The following APOBEC3G variants were observed in gnomAD, a reference collection of about 807,000 sequenced individuals.
APOBEC3G encodes the protein apolipoprotein B mRNA editing enzyme catalytic subunit 3G, also known as DNA dC->dU-editing enzyme APOBEC-3G.
Under a neutral mutation model 50.0 loss-of-function variants are expected in APOBEC3G, and 44 were observed. The observed-to-expected ratio is 0.88, with a 90% confidence interval of 0.69 to 1.13. The LOEUF is 1.13. Ranked by LOEUF, APOBEC3G falls within the 50% of genes most tolerant of loss-of-function variation. The pLI is 0.00. For synonymous variants in APOBEC3G, 156 were observed against 175.3 expected, an observed-to-expected ratio of 0.89 and a Z score of 0.87; for missense variants, 469 against 492.0, an observed-to-expected ratio of 0.95 and a Z score of 0.44.
chr22:39,085,380 C>A (rs1293338003), intron 5 of APOBEC3G, among the ~76,000 whole-genome samples: 1 of 152,048 alleles, frequency 6.6e-6, no homozygotes, highest in Non-Finnish European at 1.5e-5. Flanking sequence ...GGGGAATTGA[C>A]GGGTAGACAG....
chr22:39,086,804 G>A (rs17537581), intron 6 of APOBEC3G, among the ~76,000 whole-genome samples: 32,020 of 152,044 alleles, frequency 0.21, 5,822 homozygotes, highest in African/African-American at 0.5. Context: ...AGCAGAACTT[G>A]GGGCTTCCAG....
At chr22:39,080,487 C>T (rs563289020) in intron 2 of APOBEC3G, 161 of 175,058 alleles carry the variant, frequency 9.2e-4, no homozygotes, top group African/African-American at 3.4e-3. Flanking sequence ...TGCACAGTCA[C>T]GTGGGGGTGA....
chr22:39,078,527 C>A, intron 1 of APOBEC3G: 1 of 166,534 alleles, frequency 6.0e-6, no homozygotes, highest in Non-Finnish European at 1.3e-5. Flanking sequence ...GGGAATGGCC[C>A]CTGCCAGCCT....
intron 5 of APOBEC3G, among the ~76,000 whole-genome samples, chr22:39,086,023 G>A (rs35260874): frequency 0.082 from 12,521 of 151,968 alleles, 601 homozygotes; most frequent in African/African-American, 0.13. Flanking sequence ...AAATTCCCTC[G>A]GCCGGGCGCT....
At position 39,081,465 on chromosome 22, in the gene APOBEC3G, T is replaced by C. The variant is rs756916808; in HGVS notation, c.467-6T>C. 1 of 1,613,766 alleles carries C rather than the reference T, an allele frequency of 6.2e-7. No individual in the cohort carries two copies. ...GCTTGACTGCGTTCTCTCTTCTTTT[T>C]CTTAGAATTTCAGCACTGTTGGAGC... On this transcript the variant is annotated splice_region_variant and splice_polypyrimidine_tract_variant and intron_variant, in intron 3 of 7. Coordinates refer to ENST00000407997, the MANE Select transcript of APOBEC3G (RefSeq NM_021822.4).
Position 39,087,637 on chromosome 22 carries a change from T to A in APOBEC3G, c.*216T>A. 1 of 978,260 alleles carries A rather than the reference T, an allele frequency of 1.0e-6. No homozygotes were observed. The highest frequency in any genetic ancestry group is 1.5e-6 in the Non-Finnish European group (1 of 676,750). 60.6% of individuals were successfully genotyped at this position (978,260 alleles called of 1,614,324 possible). On this transcript the variant is annotated 3_prime_UTR_variant, in exon 8 of 8. Transcript: ENST00000407997. ...TATTTATATTTCAAGAATAAAGTAC[T>A]AAGATTGTGCTCAATACACAGAAAA...
rs568940353 is a variant in APOBEC3G at position 39,087,390 on chromosome 22, C to A, written c.1141-17C>A. 1.9e-6 allele frequency: 3 copies of A among 1,614,140 alleles called. No homozygotes were observed. The African/African-American group carries it at 4.0e-5, about 22-fold the overall frequency. On this transcript the variant is annotated splice_polypyrimidine_tract_variant and intron_variant, in intron 7 of 7. Transcript: ENST00000407997. Reference sequence around the variant, plus strand: ...CTCGCTCACCCTTTGCTCCATTCAACCTCCCTGCTCTTCCAGAATCAGGAA... The same window carrying A: ...CTCGCTCACCCTTTGCTCCATTCAAACTCCCTGCTCTTCCAGAATCAGGAA...
rs1373309061 is a variant in APOBEC3G, at chr22:39,077,632, C to G, written c.17+254C>G. The stretch of plus-strand genomic sequence containing the variant: ...CCTGCTGAGACTCTCCCCTGAAAGT[C>G]ATGGCTGGGGTGGTGCTCCCGGCCC... On this transcript the variant is annotated intron_variant, in intron 1 of 7. Transcript: ENST00000407997. 1.3e-5 allele frequency among the ~76,000 whole-genome samples: 2 copies of G among 152,212 alleles called. 1 individual carries two copies. Among genetic ancestry groups the G allele is most frequent in the Admixed American group, 1.3e-4 (2 of 15,282 alleles).
rs762108999 is a variant in APOBEC3G, at chr22:39,087,003, C to G, written c.1025-8C>G. On this transcript the variant is annotated splice_region_variant and splice_polypyrimidine_tract_variant and intron_variant, in intron 6 of 7. Coordinates refer to ENST00000407997, the MANE Select transcript of APOBEC3G (RefSeq NM_021822.4). The stretch of plus-strand genomic sequence containing the variant: ...GGAGTGTGACTTATCTCCCCTGTCC[C>G]TTTTCAGAATTTAAGCACTGCTGGG... The G allele has an allele frequency of 1.3e-6, 2 of 1,597,972 alleles. No homozygotes were observed. The highest frequency in any genetic ancestry group is 1.1e-5 in the South Asian group (1 of 89,610).
chr22:39,086,710 C>T, intron 6 of APOBEC3G, 143 bp downstream of exon 6: 3 of 1,276,372 alleles, frequency 2.4e-6, no homozygotes, highest in Non-Finnish European at 3.2e-6. Flanking sequence ...GCACTCTGGA[C>T]CTGACTTTGG....
chr22:39,085,890 G>A (rs2413572), intron 5 of APOBEC3G, among the ~76,000 whole-genome samples: 99,901 of 151,988 alleles, frequency 0.66, 33,001 homozygotes, highest in East Asian at 0.75. Context: ...CTGTCTCAAA[G>A]AAAAGAAAGG....
chr22:39,083,184 GT>G (rs1928549907), intron 4 of APOBEC3G: 1 of 152,210 alleles, frequency 6.6e-6, no homozygotes. Flanking sequence ...TATAATTGTG[GT>G]TTTGTAAGGA....
At chr22:39,080,767 A>T (rs1928401255) in intron 2 of APOBEC3G, 166 bp from the exon 3 acceptor site, 2 of 658,126 alleles carry the variant, frequency 3.0e-6, no homozygotes, top group Non-Finnish European at 5.2e-6. Flanking sequence ...ACTGAACATG[A>T]GCTTTGGAGC....
At chr22:39,077,707 C>G (rs1384368184) in intron 1 of APOBEC3G, among the ~76,000 whole-genome samples, 1 of 152,202 alleles carries the variant, frequency 6.6e-6, no homozygotes. Context: ...AACTCTGGAA[C>G]TGGGAGAATT....
intron 6 of APOBEC3G, 56 bp from the exon 7 acceptor site, chr22:39,086,955 G>A: frequency 6.5e-7 from 1 of 1,546,208 alleles, no homozygotes; most frequent in Non-Finnish European, 8.8e-7. Context: ...ATGGGCCTTT[G>A]GTGCCACCAC....
At chr22:39,086,620 C>T in intron 6 of APOBEC3G, 53 bp downstream of exon 6, 1 of 1,531,846 alleles carries the variant, frequency 6.5e-7, no homozygotes, top group East Asian at 2.3e-5. Flanking sequence ...GGAGAGGGCC[C>T]CGGGAAGTTA....
At chr22:39,078,864 T>G in intron 1 of APOBEC3G, 68 bp from the exon 2 acceptor site, 1 of 1,589,454 alleles carries the variant, frequency 6.3e-7, no homozygotes, top group Non-Finnish European at 8.6e-7. Flanking sequence ...CTGTGTTTAG[T>G]GGACATCAGC....
chr22:39,081,519 T>G lies in APOBEC3G; in HGVS notation c.515T>G (p.Phe172Cys), dbSNP rs765471727. ...TTCGTGTACAGCCAAAGAGAGCTAT[T>G]TGAGCCTTGGAATAATCTGCCTAAA... Reference protein sequence around the residue: ...SKFVYSQRELFEPWNNLPKYY... With the variant: ...SKFVYSQRELCEPWNNLPKYY... The change falls in exon 4 of 8, where the codon TTT (phenylalanine) becomes TGT (cysteine). Residue 172 changes from phenylalanine (F) to cysteine (C), a missense_variant. Transcript: ENST00000407997. 369 of 1,614,198 alleles carry G rather than the reference T, an allele frequency of 2.3e-4. 4 individuals are homozygous for G. The South Asian group carries it at 3.9e-3, about 17-fold the overall frequency.
chr22:39,077,599 C>T lies in APOBEC3G; in HGVS notation c.17+221C>T, dbSNP rs957210498. Among the ~76,000 whole-genome samples the T allele has an allele frequency of 4.6e-5, 7 of 152,234 alleles. No individual in the cohort carries two copies. In the South Asian group the frequency reaches 1.4e-3, roughly 32 times the overall value. On this transcript the variant is annotated intron_variant, in intron 1 of 7. Coordinates refer to ENST00000407997, the MANE Select transcript of APOBEC3G (RefSeq NM_021822.4). The stretch of plus-strand genomic sequence containing the variant: ...GGCCGCCTCCCCCATCTGTCCCAGC[C>T]CAGGTCCCCTGCTGAGACTCTCCCC...
Sources: gnomAD v4.1 joint callset for allele counts (sites outside exome capture counted in the v4.1 genomes callset) on GRCh38, gnomAD v4.1.1 for gene constraint, MANE v1.5 for transcripts, NCBI Gene and HGNC (gene_info 2026-07-23, HGNC 2026-07-21) for gene names.